STAT4: variants seen among roughly 807,000 people sequenced by gnomAD.
STAT4 encodes the protein signal transducer and activator of transcription 4.
A neutral mutation model predicts 110.5 loss-of-function variants in STAT4; 42 were observed. The observed-to-expected ratio is 0.38, with a 90% CI of 0.30 to 0.49. The LOEUF (loss-of-function observed/expected upper bound fraction) is 0.49. Among genes scored for constraint, STAT4 ranks in the 20% least tolerant of loss-of-function variants. STAT4 has a pLI of 0.95. For missense variants in STAT4, 632 were observed against 887.9 expected (o/e 0.71, Z 3.66); for synonymous variants, 284 against 302.2 (o/e 0.94, Z 0.63).
At chr2:191,122,009 C>G (rs1559076593) in intron 3 of STAT4, 2 of 152,012 alleles carry the variant, frequency 1.3e-5, no homozygotes, top group African/African-American at 2.4e-5. Flanking sequence ...ATTAGCATGG[C>G]CCCTGATCAA....
In STAT4 at chr2:191,034,023, C is replaced by A. The variant is rs1695971243; in HGVS notation, c.1621-18G>T. On this transcript the variant is annotated intron_variant, in intron 18 of 23. Transcript: ENST00000392320. ...AAATGTTCCTACAGGAATAGACAAG[C>A]ACATTAAGACAATGATTATTTAAGT... 6.8e-7 allele frequency: 1 copy of A among 1,470,020 alleles called. No individual in the cohort carries two copies. The highest frequency in any genetic ancestry group is 2.3e-5 in the East Asian group (1 of 43,908). The allele number at this position is 1,470,020 out of a possible 1,614,324, so 91.1% of individuals were successfully genotyped here.
At chr2:191,041,193 A>C in intron 14 of STAT4, 45 bp from the exon 15 acceptor site, 5 of 1,133,946 alleles carry the variant, frequency 4.4e-6, no homozygotes, top group African/African-American at 1.6e-5. Context: ...ATGCATACTC[A>C]CTATCTAATA....
chr2:191,088,936 T>G (rs1176038642), intron 3 of STAT4, among the ~76,000 whole-genome samples: 1 of 152,194 alleles, frequency 6.6e-6, no homozygotes, highest in African/African-American at 2.4e-5. Context: ...TAAGTGAAAT[T>G]AACTCAAAGT....
At position 191,086,918 on chromosome 2, in the gene STAT4, T is replaced by C. The variant is rs1014402733; in HGVS notation, c.274-10593A>G. Among the ~76,000 whole-genome samples the C allele has an allele frequency of 6.6e-6, 1 of 152,136 alleles. No individual in the cohort carries two copies. Among genetic ancestry groups the C allele is most frequent in the African/African-American group, 2.4e-5 (1 of 41,416 alleles). ...ACTTCTCAGAAAGTTCACTTGAACA[T>C]CTGGTTTGAACTACAATCCAGAAGA... On this transcript the variant is annotated intron_variant, in intron 3 of 23. Transcript: ENST00000392320. This position sits in a 1 kb window ranked among gnomAD's most constrained non-coding sequence, Gnocchi z 5.5.
At position 191,033,662 on chromosome 2, in the gene STAT4, T is replaced by C. The variant is rs1167738447; in HGVS notation, c.1716-36A>G. 1.9e-6 allele frequency: 3 copies of C among 1,598,120 alleles called. No homozygotes were observed. The highest frequency in any genetic ancestry group is 2.6e-6 in the Non-Finnish European group (3 of 1,174,116). On this transcript the variant is annotated intron_variant, in intron 19 of 23. Coordinates refer to ENST00000392320, the MANE Select transcript of STAT4 (RefSeq NM_003151.4). The surrounding 1 kb of genome is among the most constrained non-coding windows in gnomAD (Gnocchi z 6.9). Reference sequence around the variant, plus strand: ...AACATGCATTATTTCATCTGATCATTATTGGATTTTCACTTATTGCATTTA... The same window carrying C: ...AACATGCATTATTTCATCTGATCATCATTGGATTTTCACTTATTGCATTTA...
rs1480522245 is a variant in STAT4 at position 191,090,614 on chromosome 2, G to C, written c.274-14289C>G. Among the ~76,000 whole-genome samples, 6 of 152,106 alleles carry C rather than the reference G, an allele frequency of 3.9e-5. No individual in the cohort carries two copies. Among genetic ancestry groups the C allele is most frequent in the African/African-American group, 1.2e-4 (5 of 41,410 alleles). The stretch of plus-strand genomic sequence containing the variant: ...TTGCTTCTGTTGCCCAGACTGGAGT[G>C]CAGTGGCGCGATCTCCGCCCACTGC... On this transcript the variant is annotated intron_variant, in intron 3 of 23. Transcript: ENST00000392320. The surrounding 1 kb of genome is among the most constrained non-coding windows in gnomAD (Gnocchi z 4.2).
intron 3 of STAT4, among the ~76,000 whole-genome samples, chr2:191,120,348 C>T (rs1173255823): frequency 6.6e-6 from 1 of 152,030 alleles, no homozygotes; most frequent in Non-Finnish European, 1.5e-5. Flanking sequence ...AAAACAGAGA[C>T]AGACAAAACA....
At position 191,051,692 on chromosome 2, in the gene STAT4, G is replaced by A. The variant is rs2125197029; in HGVS notation, c.1251+2798C>T. Among the ~76,000 whole-genome samples the A allele has an allele frequency of 6.6e-6, 1 of 152,360 alleles. No homozygotes were observed. The highest frequency in any genetic ancestry group is 1.5e-5 in the Non-Finnish European group (1 of 68,036). On this transcript the variant is annotated intron_variant, in intron 14 of 23. Transcript: ENST00000392320. This position sits in a 1 kb window ranked among gnomAD's most constrained non-coding sequence, Gnocchi z 5.6. ...CTCTGTGAGATAGATGGGGTGAGGT[G>A]ACGGGGCAGTAGGAGTGCCAACCAG...
In STAT4 at chr2:191,036,149, T is replaced by C. The variant is rs201806934; in HGVS notation, c.1570+15A>G. 6 of 1,613,048 alleles carry C rather than the reference T, an allele frequency of 3.7e-6. No individual in the cohort carries two copies. The highest frequency in any genetic ancestry group is 5.1e-6 in the Non-Finnish European group (6 of 1,179,396). ...CAAAAACAGAGGCAAATCCTCTCTA[T>C]CTACCAGCTCTCACCTGTAAGCTTC... On this transcript the variant is annotated intron_variant, in intron 17 of 23. Coordinates refer to ENST00000392320, the MANE Select transcript of STAT4 (RefSeq NM_003151.4).
rs192696072 is a variant in STAT4 at position 191,056,560 on chromosome 2, T to G, written c.1206+1458A>C. On this transcript the variant is annotated intron_variant, in intron 13 of 23. Coordinates refer to ENST00000392320, the MANE Select transcript of STAT4 (RefSeq NM_003151.4). Reference sequence around the variant, plus strand: ...GCCTATCCATTATTGCATGTGTGTATGTGTGTGTGTGTGCCTTTGTACTTC... The same window carrying G: ...GCCTATCCATTATTGCATGTGTGTAGGTGTGTGTGTGTGCCTTTGTACTTC... Among the ~76,000 whole-genome samples the G allele has an allele frequency of 4.4e-3, 669 of 151,864 alleles. 1 individual carries two copies. Among genetic ancestry groups the G allele is most frequent in the Non-Finnish European group, 7.2e-3 (492 of 67,868 alleles).
chr2:191,051,532 C>G lies in STAT4; in HGVS notation c.1251+2958G>C, dbSNP rs1291544255. Among the ~76,000 whole-genome samples the G allele has an allele frequency of 1.3e-5, 2 of 152,226 alleles. No individual in the cohort carries two copies. The highest frequency in any genetic ancestry group is 2.9e-5 in the Non-Finnish European group (2 of 68,040). On this transcript the variant is annotated intron_variant, in intron 14 of 23. Coordinates refer to ENST00000392320, the MANE Select transcript of STAT4 (RefSeq NM_003151.4). The surrounding 1 kb of genome is among the most constrained non-coding windows in gnomAD (Gnocchi z 5.6). ...AACCAACACTGCTAACTCCACTATG[C>G]CACTGAGGCACGACACAAGTGCAAA...
Position 191,142,542 on chromosome 2 carries a change from T to A in STAT4, c.273+4071A>T, listed in dbSNP as rs910168299. Among the ~76,000 whole-genome samples, 2 of 152,166 alleles carry A rather than the reference T, an allele frequency of 1.3e-5. No homozygotes were observed. The highest frequency in any genetic ancestry group is 6.6e-5 in the Admixed American group (1 of 15,262). On this transcript the variant is annotated intron_variant, in intron 3 of 23. Coordinates refer to ENST00000392320, the MANE Select transcript of STAT4 (RefSeq NM_003151.4). This position sits in a 1 kb window ranked among gnomAD's most constrained non-coding sequence, Gnocchi z 4.1. ...ATAGAAGGATTAAGTTCTAACATTC[T>A]ATAGCAGGGTTAATATAGTTAACAA...
chr2:191,095,330 G>A (rs1330055880), intron 3 of STAT4, among the ~76,000 whole-genome samples: 7 of 151,954 alleles, frequency 4.6e-5, no homozygotes, highest in Middle Eastern at 3.2e-3. Flanking sequence ...GCACCACATC[G>A]CACTTATTCC....
rs1697334914 is a variant in STAT4, at chr2:191,077,040, T to C, written c.274-715A>G. On this transcript the variant is annotated intron_variant, in intron 3 of 23. Transcript: ENST00000392320. The surrounding 1 kb of genome is among the most constrained non-coding windows in gnomAD (Gnocchi z 4.1). ...GTTTCTGTCCCTATTTGGTACTGTT[T>C]GTGTCAACTAGCTCATAGCTGCATT... Among the ~76,000 whole-genome samples the C allele has an allele frequency of 6.6e-6, 1 of 152,246 alleles. No homozygotes were observed. The highest frequency in any genetic ancestry group is 2.4e-5 in the African/African-American group (1 of 41,472).
At chr2:191,122,157 T>C (rs1040868484) in intron 3 of STAT4, 2 of 151,972 alleles carry the variant, frequency 1.3e-5, no homozygotes, top group African/African-American at 4.8e-5. Context: ...AAACATCTCA[T>C]GTACCCCACA....
At chr2:191,056,378 A>G (rs1322542680) in intron 13 of STAT4, among the ~76,000 whole-genome samples, 2 of 152,208 alleles carry the variant, frequency 1.3e-5, no homozygotes, top group African/African-American at 4.8e-5. Context: ...GCAAGAAGCA[A>G]CAGGATGAGG....
intron 4 of STAT4, among the ~76,000 whole-genome samples, chr2:191,075,837 C>CTTTT (rs71407854): frequency 1.8e-3 from 223 of 121,434 alleles, no homozygotes; most frequent in Middle Eastern, 4.5e-3. Flanking sequence ...TTCTTTCTTT[C>CTTTT]TTTTTTTTTT....
chr2:191,061,656 A>C lies in STAT4; in HGVS notation c.1034+73T>G. The C allele has an allele frequency of 7.4e-7, 1 of 1,354,660 alleles. No homozygotes were observed. The highest frequency in any genetic ancestry group is 1.1e-6 in the Non-Finnish European group (1 of 944,682). The allele number at this position is 1,354,660 out of a possible 1,614,324, so 83.9% of individuals were successfully genotyped here. A position where few individuals can be genotyped will look rare whatever the true frequency, so the allele number is the denominator to read the frequency against. ...ACAGCTGAATGCAAGCCACAATGAGAGAAATTGGCCTTGATCATCCAGAGA... is the reference window on the plus strand; with the variant it reads ...ACAGCTGAATGCAAGCCACAATGAGCGAAATTGGCCTTGATCATCCAGAGA... On this transcript the variant is annotated intron_variant, in intron 10 of 23. Coordinates refer to ENST00000392320, the MANE Select transcript of STAT4 (RefSeq NM_003151.4). The surrounding 1 kb of genome is among the most constrained non-coding windows in gnomAD (Gnocchi z 6.2).
chr2:191,038,308 A>C (rs1305339675), intron 16 of STAT4, among the ~76,000 whole-genome samples: 2 of 152,172 alleles, frequency 1.3e-5, no homozygotes, highest in Non-Finnish European at 2.9e-5. Context: ...ATGCTAGGGC[A>C]CTTGAGGAGG....
Sources: gnomAD v4.1 joint callset for allele counts (sites outside exome capture counted in the v4.1 genomes callset) on GRCh38, gnomAD v4.1.1 for gene constraint, Gnocchi (gnomAD v3.1) non-coding constraint, MANE v1.5 for transcripts, NCBI Gene and HGNC (gene_info 2026-07-23, HGNC 2026-07-21) for gene names.